The following ASPM variants were observed in gnomAD, a reference collection of about 807,000 sequenced individuals.
ASPM encodes the protein assembly factor for spindle microtubules.
Under a neutral mutation model 366.4 loss-of-function variants are expected in ASPM, and 256 were observed. The observed-to-expected ratio is 0.70, with a 90% CI of 0.63 to 0.77. The LOEUF is 0.77. ASPM is among the 30% of genes least tolerant of loss of function. ASPM has a pLI of 0.00. For synonymous variants in ASPM, 1,414 were observed against 1,342.9 expected, an observed-to-expected ratio of 1.05 and a Z score of -1.16; for missense variants, 4,146 against 4,090.4, an observed-to-expected ratio of 1.01 and a Z score of -0.37.
At chr1:197,111,574 G>T (rs911052409) in intron 17 of ASPM, among the ~76,000 whole-genome samples, 1 of 151,974 alleles carries the variant, frequency 6.6e-6, no homozygotes, top group African/African-American at 2.4e-5. Context: ...ACCCACTACG[G>T]GGTATATACC....
intron 4 of ASPM, among the ~76,000 whole-genome samples, chr1:197,135,858 C>T (rs1323384377): frequency 6.6e-5 from 10 of 151,812 alleles, no homozygotes; most frequent in Non-Finnish European, 5.9e-5. Flanking sequence ...GAGGCCGAGA[C>T]GGGAGAATCA....
chr1:197,112,378 G>C (rs1441008170), intron 17 of ASPM, among the ~76,000 whole-genome samples: 2 of 152,060 alleles, frequency 1.3e-5, no homozygotes, highest in Admixed American at 1.3e-4. Flanking sequence ...GGTGGGAGGA[G>C]GGAAAGGATC....
chr1:197,093,876 T>C (rs781210078), intron 20 of ASPM, among the ~76,000 whole-genome samples: 5 of 152,004 alleles, frequency 3.3e-5, no homozygotes, highest in Non-Finnish European at 7.4e-5. Flanking sequence ...TTATATATTT[T>C]TAAAAACTAG....
At chr1:197,135,293 T>C (rs1658384033) in intron 4 of ASPM, 51 bp from the exon 5 acceptor site, 2 of 1,554,514 alleles carry the variant, frequency 1.3e-6, no homozygotes, top group African/African-American at 2.7e-5. Context: ...TAACTTATTG[T>C]ACAATATACA....
In ASPM at chr1:197,101,572, A is replaced by G. The variant is rs551629369; in HGVS notation, c.7679T>C (p.Ile2560Thr). The change falls in exon 18 of 28, where the codon ATA (isoleucine) becomes ACA (threonine). Residue 2560 changes from isoleucine (I) to threonine (T), a missense_variant. Ile to Thr is a moderately conservative substitution (Grantham distance 89). Around this residue, in one of 3 missense-constraint regions of ASPM, gnomAD observed 3,624 missense variants for 3,591.7 expected, o/e 1.01. Transcript: ENST00000367409. ...CCTATACATTCTGTAGGTGCTTTGTATTACGATAGAAGCTTTGTGTTTTTC... is the reference window on the plus strand; with the variant it reads ...CCTATACATTCTGTAGGTGCTTTGTGTTACGATAGAAGCTTTGTGTTTTTC... ...LREKHKASIVIQSTYRMYRQY... is the reference protein window; with the variant it reads ...LREKHKASIVTQSTYRMYRQY... 2.1e-5 allele frequency: 33 copies of G among 1,609,602 alleles called. 1 individual carries two copies. In the South Asian group the frequency reaches 3.5e-4, roughly 17 times the overall value.
In ASPM at chr1:197,102,870, A is replaced by T. The variant is rs937207468; in HGVS notation, c.6381T>A (p.Phe2127Leu). 2 of 1,612,658 alleles carry T rather than the reference A, an allele frequency of 1.2e-6. No individual in the cohort carries two copies. Among genetic ancestry groups the T allele is most frequent in the Admixed American group, 3.3e-5 (2 of 59,874 alleles). Residue 2127 changes from phenylalanine (F) to leucine (L), a missense_variant, in exon 18 of 28, where the codon TTT becomes TTA. By Grantham distance (22) the Phe-to-Leu change is conservative (BLOSUM62 0). This residue lies in a region of ASPM where 3,624 missense variants were observed against 3,591.7 expected (regional missense o/e 1.01). Coordinates refer to ENST00000367409, the MANE Select transcript of ASPM (RefSeq NM_018136.5). ...HRAATFIKAMFKMHQSRISYH... is the reference protein window; with the variant it reads ...HRAATFIKAMLKMHQSRISYH... ...AACTTATTCTTGACTGATGCATTTT[A>T]AACATGGCTTTAATAAAAGTGGCTG...
intron 16 of ASPM, among the ~76,000 whole-genome samples, chr1:197,119,150 G>C (rs144015944): frequency 1.9e-4 from 29 of 152,214 alleles, no homozygotes; most frequent in African/African-American, 6.5e-4. Context: ...TAAATACTAA[G>C]GAATGGTAAG....
Position 197,145,122 on chromosome 1 carries a change from A to C in ASPM, c.297+1019T>G, listed in dbSNP as rs1325426552. Among the ~76,000 whole-genome samples the C allele has an allele frequency of 2.0e-5, 3 of 152,184 alleles. No homozygotes were observed. The South Asian group carries it at 6.2e-4, about 32-fold the overall frequency. ...TGAACCATTGGTGACACACAAGTTA[A>C]GGGACCTCAGATTAGAATCTCTTTT... On this transcript the variant is annotated intron_variant, in intron 1 of 27. Transcript: ENST00000367409.
rs1658374415 is a variant in ASPM at position 197,135,026 on chromosome 1, T to C, written c.2173+70A>G. 37 of 1,203,126 alleles carry C rather than the reference T, an allele frequency of 3.1e-5. No homozygotes were observed. In the East Asian group the frequency reaches 9.5e-4, roughly 31 times the overall value. The allele number at this position is 1,203,126 out of a possible 1,614,324, so 74.5% of individuals were successfully genotyped here. On this transcript the variant is annotated intron_variant, in intron 5 of 27. Coordinates refer to ENST00000367409, the MANE Select transcript of ASPM (RefSeq NM_018136.5). ...ATAATAACTATGTATAATTAAAGAA[T>C]GACAAACGATGTTAAAAATCTTTAT... is the stretch of plus-strand genomic sequence containing the variant.
At chr1:197,094,261 T>C in intron 19 of ASPM, 81 bp from the exon 20 acceptor site, 1 of 818,262 alleles carries the variant, frequency 1.2e-6, no homozygotes, top group East Asian at 2.7e-5. Flanking sequence ...CCCTTTAAAA[T>C]ATTAGAAGAG....
At chr1:197,096,885 C>A (rs747919823) in intron 18 of ASPM, among the ~76,000 whole-genome samples, 4 of 151,616 alleles carry the variant, frequency 2.6e-5, no homozygotes, top group African/African-American at 9.7e-5. Context: ...TGGTTAAGAT[C>A]TCTGTTTTAT....
chr1:197,089,005 AAATAAC>A (rs1055816897), intron 25 of ASPM, among the ~76,000 whole-genome samples: 6 of 132,846 alleles, frequency 4.5e-5, no homozygotes, highest in Admixed American at 1.4e-4. Context: ...ACTAAGATAA[AAATAAC>A]AAAACAACAT....
intron 7 of ASPM, 43 bp downstream of exon 7, chr1:197,132,242 T>C (rs374434544): frequency 5.6e-6 from 8 of 1,437,624 alleles, no homozygotes; most frequent in South Asian, 1.3e-5. Context: ...AAAAAGTATA[T>C]AATAAAAAAA....
At chr1:197,108,755 G>A (rs1339944232) in intron 17 of ASPM, among the ~76,000 whole-genome samples, 2 of 151,930 alleles carry the variant, frequency 1.3e-5, no homozygotes, top group African/African-American at 4.8e-5. Context: ...AGGATGACTA[G>A]AGCCCAGGAG....
At chr1:197,128,123 C>T (rs1276375223) in intron 10 of ASPM, among the ~76,000 whole-genome samples, 1 of 151,202 alleles carries the variant, frequency 6.6e-6, no homozygotes, top group Non-Finnish European at 1.5e-5. Flanking sequence ...GAGACCTTGC[C>T]AGTGCCCTCC....
In ASPM at chr1:197,104,401, C is replaced by T. The variant is rs1430495606; in HGVS notation, c.4850G>A (p.Arg1617Gln). The change falls in exon 18 of 28, where the codon CGA becomes CAA. Residue 1617 changes from arginine to glutamine, a missense_variant. Transcript: ENST00000367409. Reference sequence around the variant, plus strand: ...AACTTTCATGGCAAAAATATAAGCTCGGAAATGAGTCTGAATTATAACAGC... The same window carrying T: ...AACTTTCATGGCAAAAATATAAGCTTGGAAATGAGTCTGAATTATAACAGC... ...KAAVIIQTHF[R>Q]AYIFAMKVLA... is the part of the protein sequence containing the mutation. 7 of 1,612,866 alleles carry T rather than the reference C, an allele frequency of 4.3e-6. No individual in the cohort carries two copies. Among genetic ancestry groups the T allele is most frequent in the African/African-American group, 4.0e-5 (3 of 74,792 alleles).
chr1:197,102,088 G>A lies in ASPM; in HGVS notation c.7163C>T (p.Ala2388Val). The A allele has an allele frequency of 1.9e-6, 3 of 1,612,972 alleles. No homozygotes were observed. Among genetic ancestry groups the A allele is most frequent in the Non-Finnish European group, 2.5e-6 (3 of 1,179,296 alleles). ...RQHYLRQRHS[A>V]VILQAAFRGM... ...CCTGAATGCAGCCTGAAGGATCACA[G>A]CAGAGTGTCTTTGTCTGAGATAATG... Residue 2388 changes from alanine to valine, a missense_variant, in exon 18 of 28, where the codon GCT (alanine) becomes GTT (valine). By Grantham distance (64) the Ala-to-Val change is moderately conservative. Around this residue, in one of 3 missense-constraint regions of ASPM, gnomAD observed 3,624 missense variants for 3,591.7 expected, o/e 1.01. Coordinates refer to ENST00000367409, the MANE Select transcript of ASPM (RefSeq NM_018136.5).
rs750287630 is a variant in ASPM at position 197,143,352 on chromosome 1, G to A, written c.900C>T (p.Pro300=). The change falls in exon 3 of 28, where the codon CCC becomes CCT. Residue 300 remains proline, a synonymous_variant. Transcript: ENST00000367409. Reference sequence around the variant, plus strand: ...TAATGTTCAAAGTTGAAGAACAGTTGGGGGTAAGACTAAGTTTACTATTCT... The same window carrying A: ...TAATGTTCAAAGTTGAAGAACAGTTAGGGGTAAGACTAAGTTTACTATTCT... ...RGENSKLSLT[P]NCSSTLNITQ... is the part of the protein sequence containing the mutation. 1 of 1,613,830 alleles carries A rather than the reference G, an allele frequency of 6.2e-7. No individual in the cohort carries two copies. Among genetic ancestry groups the A allele is most frequent in the Non-Finnish European group, 8.5e-7 (1 of 1,179,742 alleles).
chr1:197,085,184 T>G (rs1466262058), intron 27 of ASPM, among the ~76,000 whole-genome samples: 2 of 152,184 alleles, frequency 1.3e-5, no homozygotes, highest in African/African-American at 4.8e-5. Flanking sequence ...AATATCTGCC[T>G]TCTCCATTCC....
Sources: allele counts gnomAD v4.1 joint callset (sites outside exome capture counted in the v4.1 genomes callset), GRCh38; gene constraint gnomAD v4.1.1; regional missense constraint gnomAD v4.1.1; transcripts MANE v1.5; gene names NCBI Gene and HGNC (gene_info 2026-07-23, HGNC 2026-07-21).